The following CHGA variants were observed in gnomAD, a reference collection of about 807,000 sequenced individuals.
The protein encoded by CHGA is chromogranin-A.
A neutral mutation model predicts 54.4 loss-of-function variants in CHGA; 41 were observed. That is an observed-to-expected ratio of 0.75 (90% CI 0.59 to 0.98). CHGA has a LOEUF of 0.98. CHGA is among the 50% of genes least tolerant of loss of function. CHGA has a pLI of 0.00. For synonymous variants in CHGA, 249 were observed against 232.8 expected (o/e 1.07, Z -0.63); for missense variants, 576 against 582.3 (o/e 0.99, Z 0.11).
In CHGA at chr14:92,932,610, A is replaced by G; in HGVS notation, c.1049A>G (p.Lys350Arg). The G allele has an allele frequency of 1.3e-6, 2 of 1,583,042 alleles. No individual in the cohort carries two copies. Among genetic ancestry groups the G allele is most frequent in the South Asian group, 2.3e-5 (2 of 86,562 alleles). Residue 350 changes from lysine to arginine, a missense_variant, in exon 7 of 8, where the codon AAG becomes AGG. Coordinates refer to ENST00000216492, the MANE Select transcript of CHGA (RefSeq NM_001275.4). This position sits in a 1 kb window ranked among gnomAD's most constrained non-coding sequence, Gnocchi z 5.3. ...KRWSKMDQLA[K>R]ELTAEKRLEG... is the part of the protein sequence containing the mutation. ...TGGAGCAAGATGGACCAGCTGGCCA[A>G]GGAGCTGACGGCTGAGAAGCGGCTG...
chr14:92,924,115 A>C, intron 1 of CHGA, 84 bp from the exon 2 acceptor site: 2 of 1,469,922 alleles, frequency 1.4e-6, no homozygotes, highest in Non-Finnish European at 9.3e-7. Context: ...CATTGGGTGA[A>C]CGGGCCCCAG....
At chr14:92,926,548 A>G (rs985536443) in intron 2 of CHGA, 57 bp from the exon 3 acceptor site, 1 of 1,445,228 alleles carries the variant, frequency 6.9e-7, no homozygotes, top group Non-Finnish European at 9.7e-7. Flanking sequence ...TAGAGCCTCC[A>G]GGGACTGAGC....
intron 1 of CHGA, 80 bp downstream of exon 1, chr14:92,923,485 C>A: frequency 8.6e-7 from 1 of 1,164,280 alleles, no homozygotes; most frequent in Non-Finnish European, 1.1e-6. Flanking sequence ...GCGCGGCGCC[C>A]CGCACCCCTC....
chr14:92,923,300 C>T lies in CHGA; in HGVS notation c.-60C>T. The T allele has an allele frequency of 2.3e-6, 3 of 1,285,132 alleles. No individual in the cohort carries two copies. Among genetic ancestry groups the T allele is most frequent in the Non-Finnish European group, 2.9e-6 (3 of 1,019,084 alleles). 79.6% of individuals were successfully genotyped at this position (1,285,132 alleles called of 1,614,324 possible). On this transcript the variant is annotated 5_prime_UTR_variant, in exon 1 of 8. Coordinates refer to ENST00000216492, the MANE Select transcript of CHGA (RefSeq NM_001275.4). Reference sequence around the variant, plus strand: ...ACCCCGGCCGCCAGTCCAGCCGCCCCTCGCCCGGTGCCTAGGTGCCCGGCC... The same window carrying T: ...ACCCCGGCCGCCAGTCCAGCCGCCCTTCGCCCGGTGCCTAGGTGCCCGGCC...
In CHGA at chr14:92,932,704, C is replaced by T. The variant is rs9658666; in HGVS notation, c.1143C>T (p.Tyr381=). The T allele has an allele frequency of 1.4e-5, 23 of 1,610,972 alleles. No individual in the cohort carries two copies. The highest frequency in any genetic ancestry group is 6.7e-5 in the Admixed American group (4 of 59,896). The change falls in exon 7 of 8, where the codon TAC becomes TAT. Residue 381 remains tyrosine (Y), a synonymous_variant. Transcript: ENST00000216492. The surrounding 1 kb of genome is among the most constrained non-coding windows in gnomAD (Gnocchi z 5.3). ...SMKLSFRARA[Y]GFRGPGPQLR... Reference sequence around the variant, plus strand: ...AGCTCTCCTTCCGGGCCCGGGCCTACGGCTTCAGGGGCCCTGGGCCGCAGC... The same window carrying T: ...AGCTCTCCTTCCGGGCCCGGGCCTATGGCTTCAGGGGCCCTGGGCCGCAGC...
intron 2 of CHGA, among the ~76,000 whole-genome samples, chr14:92,925,867 C>T (rs926861152): frequency 6.6e-6 from 1 of 152,202 alleles, no homozygotes; most frequent in Non-Finnish European, 1.5e-5. Flanking sequence ...AGCTAGGATA[C>T]CACATTACGG....
At chr14:92,924,761 C>CA (rs980713988) in intron 2 of CHGA, among the ~76,000 whole-genome samples, 1 of 152,246 alleles carries the variant, frequency 6.6e-6, no homozygotes, top group Admixed American at 6.5e-5. Context: ...CCCACGGTCC[C>CA]ACCAATAGGG....
At chr14:92,925,043 T>C (rs1785404983) in intron 2 of CHGA, among the ~76,000 whole-genome samples, 1 of 152,214 alleles carries the variant, frequency 6.6e-6, no homozygotes, top group African/African-American at 2.4e-5. Flanking sequence ...GTTTGCTCAA[T>C]TATATTTCCT....
chr14:92,932,521 G>A lies in CHGA; in HGVS notation c.960G>A (p.Gly320=), dbSNP rs1016126585. The change falls in exon 7 of 8, where the codon GGG becomes GGA. Residue 320 remains glycine (G), a synonymous_variant. Coordinates refer to ENST00000216492, the MANE Select transcript of CHGA (RefSeq NM_001275.4). The surrounding 1 kb of genome is among the most constrained non-coding windows in gnomAD (Gnocchi z 5.3). ...TCCCGCAAGGCCTCTTCCGGGGTGGGAAGAGCGGAGAGCTGGAGCAGGAGG... is the reference window on the plus strand; with the variant it reads ...TCCCGCAAGGCCTCTTCCGGGGTGGAAAGAGCGGAGAGCTGGAGCAGGAGG... ...AVVPQGLFRG[G]KSGELEQEEE... is the part of the protein sequence containing the mutation. 1.9e-6 allele frequency: 3 copies of A among 1,553,498 alleles called. No individual in the cohort carries two copies. The Admixed American group carries it at 5.9e-5, about 30-fold the overall frequency.
In CHGA at chr14:92,930,235, G is replaced by C. The variant is rs1383090941; in HGVS notation, c.355+420G>C. 2.0e-5 allele frequency among the ~76,000 whole-genome samples: 3 copies of C among 152,242 alleles called. No homozygotes were observed. In the East Asian group the frequency reaches 5.8e-4, roughly 29 times the overall value. On this transcript the variant is annotated intron_variant, in intron 5 of 7. Transcript: ENST00000216492. ...TGCAGGAGGACCACAGACAGAGTAG[G>C]TGTGAAACGTGAAATGAACCCAGAT...
chr14:92,931,628 C>T lies in CHGA; in HGVS notation c.734C>T (p.Pro245Leu). Residue 245 changes from proline to leucine, a missense_variant, in exon 6 of 8, where the codon CCC (proline) becomes CTC (leucine). Physicochemically the swap from Pro to Leu is moderately conservative, Grantham distance 98 (BLOSUM62 -3). Coordinates refer to ENST00000216492, the MANE Select transcript of CHGA (RefSeq NM_001275.4). Reference protein sequence around the residue: ...EEAEAGEEAVPEEEGPTVVLN... With the variant: ...EEAEAGEEAVLEEEGPTVVLN... ...GCTGAGGCTGGAGAGGAGGCTGTCC[C>T]CGAGGAAGAAGGCCCCACTGTAGTG... is the stretch of plus-strand genomic sequence containing the variant. 6.2e-7 allele frequency: 1 copy of T among 1,611,440 alleles called. No homozygotes were observed. Among genetic ancestry groups the T allele is most frequent in the East Asian group, 2.2e-5 (1 of 44,842 alleles).
At chr14:92,924,747 T>A (rs1886853869) in intron 2 of CHGA, among the ~76,000 whole-genome samples, 1 of 152,258 alleles carries the variant, frequency 6.6e-6, no homozygotes, top group African/African-American at 2.4e-5. Context: ...TCATGGCTCC[T>A]GCACCCACGG....
chr14:92,925,944 C>T (rs1342176863), intron 2 of CHGA, among the ~76,000 whole-genome samples: 1 of 152,202 alleles, frequency 6.6e-6, no homozygotes, highest in East Asian at 1.9e-4. Context: ...TTTGCAGGCA[C>T]AGGATAAGAC....
chr14:92,927,116 A>G (rs1886901593), intron 3 of CHGA, among the ~76,000 whole-genome samples: 1 of 152,220 alleles, frequency 6.6e-6, no homozygotes, highest in Admixed American at 6.5e-5. Context: ...CTTTCCAGGC[A>G]ACCAGTCAAG....
At chr14:92,923,990 G>A (rs373459817) in intron 1 of CHGA, among the ~76,000 whole-genome samples, 41 of 152,362 alleles carry the variant, frequency 2.7e-4, no homozygotes, top group African/African-American at 9.6e-4. Flanking sequence ...AAGGGGGAGG[G>A]GGAGGACCTC....
Position 92,923,318 on chromosome 14 carries a change from GC to G in CHGA, c.-39del. 1 of 1,316,980 alleles carries G rather than the reference GC, an allele frequency of 7.6e-7. No homozygotes were observed. Among genetic ancestry groups the G allele is most frequent in the South Asian group, 2.2e-5 (1 of 46,340 alleles). 81.6% of individuals were successfully genotyped at this position (1,316,980 alleles called of 1,614,324 possible). A position where few individuals can be genotyped will look rare whatever the true frequency, so the allele number is the denominator to read the frequency against. Reference sequence around the variant, plus strand: ...GCCGCCCCTCGCCCGGTGCCTAGGTGCCCGGCCCCACACCGCCAGCTGCTCG... The same window carrying G: ...GCCGCCCCTCGCCCGGTGCCTAGGTGCCGGCCCCACACCGCCAGCTGCTCG... On this transcript the variant is annotated 5_prime_UTR_variant, in exon 1 of 8. Transcript: ENST00000216492.
In CHGA at chr14:92,931,322, G is replaced by A. The variant is rs1268405380; in HGVS notation, c.428G>A (p.Gly143Asp). The A allele has an allele frequency of 6.2e-7, 1 of 1,613,616 alleles. No individual in the cohort carries two copies. Among genetic ancestry groups the A allele is most frequent in the Non-Finnish European group, 8.5e-7 (1 of 1,179,998 alleles). Residue 143 changes from glycine (G) to aspartate (D), a missense_variant, in exon 6 of 8, where the codon GGT becomes GAT. Coordinates refer to ENST00000216492, the MANE Select transcript of CHGA (RefSeq NM_001275.4). ...REDSKEAEKS[G>D]EATDGARPQA... ...GATTCCAAGGAGGCAGAGAAAAGTGGTGAAGCCACAGACGGAGCCAGGCCC... is the reference window on the plus strand; with the variant it reads ...GATTCCAAGGAGGCAGAGAAAAGTGATGAAGCCACAGACGGAGCCAGGCCC...
chr14:92,931,878 A>G (rs1887006784), intron 6 of CHGA, among the ~76,000 whole-genome samples, 176 bp downstream of exon 6: 1 of 150,654 alleles, frequency 6.6e-6, no homozygotes, highest in Admixed American at 6.6e-5. Flanking sequence ...GCCCAAGGTC[A>G]CACAGCTAAT....
In CHGA at chr14:92,924,742, G is replaced by A. The variant is rs538161333; in HGVS notation, c.93+497G>A. ...ACACAAGCAAAACATCTTGATCATG[G>A]CTCCTGCACCCACGGTCCCACCAAT... On this transcript the variant is annotated intron_variant, in intron 2 of 7. Coordinates refer to ENST00000216492, the MANE Select transcript of CHGA (RefSeq NM_001275.4). Among the ~76,000 whole-genome samples, 6 of 152,330 alleles carry A rather than the reference G, an allele frequency of 3.9e-5. No homozygotes were observed. The East Asian group carries it at 1.2e-3, about 29-fold the overall frequency.
Sources: gnomAD v4.1 joint callset for allele counts (sites outside exome capture counted in the v4.1 genomes callset) on GRCh38, gnomAD v4.1.1 for gene constraint, Gnocchi (gnomAD v3.1) non-coding constraint, MANE v1.5 for transcripts, NCBI Gene and HGNC (gene_info 2026-07-23, HGNC 2026-07-21) for gene names.